The following KCTD15 variants were observed in gnomAD, a reference collection of about 807,000 sequenced individuals.
KCTD15 encodes BTB/POZ domain-containing protein KCTD15.
Under a neutral mutation model 27.2 loss-of-function variants are expected in KCTD15, and 11 were observed. The observed-to-expected ratio is 0.41, with a 90% CI of 0.25 to 0.67. The LOEUF is 0.67. Among genes scored for constraint, KCTD15 ranks in the 30% least tolerant of loss-of-function variants. KCTD15 has a pLI of 0.35. For synonymous variants in KCTD15, 163 were observed against 176.0 expected (o/e 0.93, Z 0.58); for missense variants, 350 against 409.3 (o/e 0.86, Z 1.25).
chr19:33,811,404 C>T lies in KCTD15; in HGVS notation c.545C>T (p.Ala182Val). The change falls in exon 6 of 7, where the codon GCA becomes GTA. Residue 182 changes from alanine to valine, a missense_variant. Physicochemically the swap from Ala to Val is moderately conservative, Grantham distance 64. Coordinates refer to ENST00000683859, the MANE Select transcript of KCTD15 (RefSeq NM_001129994.2). ...ACGCCCGACTTGGGCGAGCGGATCG[C>T]ACTCAGCGGCGAGAAGGCCCTCATC... ...RVTPDLGERIALSGEKALIEE... is the reference protein window; with the variant it reads ...RVTPDLGERIVLSGEKALIEE... 6.2e-7 allele frequency: 1 copy of T among 1,609,110 alleles called. No homozygotes were observed. The highest frequency in any genetic ancestry group is 2.2e-5 in the East Asian group (1 of 44,530).
Position 33,806,382 on chromosome 19 carries a change from G to A in KCTD15, c.243-481G>A, listed in dbSNP as rs747637778. Among the ~76,000 whole-genome samples the A allele has an allele frequency of 4.6e-4, 70 of 152,184 alleles. 1 individual carries two copies. The highest frequency in any genetic ancestry group is 2.1e-4 in the Non-Finnish European group (14 of 68,040). ...GCACAGGCCTGTGTGTCTCACACTC[G>A]TTTACATGGGTTGGGTGGGGAGGAT... On this transcript the variant is annotated intron_variant, in intron 4 of 6. Coordinates refer to ENST00000683859, the MANE Select transcript of KCTD15 (RefSeq NM_001129994.2).
chr19:33,795,142 TACA>T (rs1282487900), upstream of KCTD15, among the ~76,000 whole-genome samples: 11 of 152,262 alleles, frequency 7.2e-5, no homozygotes. Context: ...TCTATAAATT[TACA>T]ACATCTTCTG....
At chr19:33,795,287 T>C (rs2145414292), upstream of KCTD15, among the ~76,000 whole-genome samples, 1 of 152,312 alleles carries the variant, frequency 6.6e-6, no homozygotes, top group East Asian at 1.9e-4. Context: ...TTTCGGCTGA[T>C]TCCCGCGTAA....
chr19:33,812,211 C>A, intron 6 of KCTD15: 1 of 1,081,652 alleles, frequency 9.2e-7, no homozygotes, highest in Non-Finnish European at 1.1e-6. Context: ...CATCAGACCT[C>A]ACCCTCACAG....
intron 5 of KCTD15, among the ~76,000 whole-genome samples, chr19:33,810,716 G>C (rs151006251): frequency 6.6e-6 from 1 of 151,968 alleles, no homozygotes; most frequent in African/African-American, 2.4e-5. Flanking sequence ...AAACCAAGAG[G>C]CTCAGTTAGT....
At chr19:33,811,876 C>T in intron 6 of KCTD15, 1 of 1,595,756 alleles carries the variant, frequency 6.3e-7, no homozygotes, top group Non-Finnish European at 8.5e-7. Context: ...TCGAACTAAA[C>T]CCAGGCAACA....
intron 5 of KCTD15, among the ~76,000 whole-genome samples, chr19:33,809,131 G>A (rs1336672195): frequency 2.0e-5 from 3 of 152,012 alleles, no homozygotes; most frequent in Non-Finnish European, 1.5e-5. Context: ...ACAAAAATGA[G>A]CCGGGCGTGG....
In KCTD15 at chr19:33,811,482, G is replaced by T; in HGVS notation, c.623G>T (p.Gly208Val). The T allele has an allele frequency of 1.9e-6, 3 of 1,612,872 alleles. No individual in the cohort carries two copies. The African/African-American group carries it at 4.0e-5, about 21-fold the overall frequency. ...GTCATGTGCAACTCCGTCAACGCCG[G>T]CTGGAACCAGGACCCCACGCACGTC... ...GDVMCNSVNA[G>V]WNQDPTHVIR... Residue 208 changes from glycine (G) to valine (V), a missense_variant, in exon 6 of 7, where the codon GGC becomes GTC. Transcript: ENST00000683859.
intron 6 of KCTD15, chr19:33,812,136 T>C: frequency 8.0e-7 from 1 of 1,248,286 alleles, no homozygotes; most frequent in Non-Finnish European, 1.0e-6. Flanking sequence ...GGGCCCCCTG[T>C]GCACGCATTC....
At chr19:33,812,121 G>A in intron 6 of KCTD15, 2 of 1,283,224 alleles carry the variant, frequency 1.6e-6, no homozygotes, top group Non-Finnish European at 2.0e-6. Flanking sequence ...GCTTTGCAGG[G>A]AAGAGGGCCC....
Position 33,801,346 on chromosome 19 carries a change from A to G in KCTD15, c.242+4A>G, listed in dbSNP as rs1226189423. On this transcript the variant is annotated splice_donor_region_variant and intron_variant, in intron 4 of 6. Transcript: ENST00000683859. ...TCACCAAGTACCCTGACTCCAGGTA[A>G]GAGTAAGCCCCTTGAAACATCAGGC... 1.2e-6 allele frequency: 2 copies of G among 1,604,278 alleles called. No homozygotes were observed. The highest frequency in any genetic ancestry group is 1.7e-6 in the Non-Finnish European group (2 of 1,174,666).
upstream of KCTD15, among the ~76,000 whole-genome samples, chr19:33,795,649 G>A (rs1373450507): frequency 6.6e-6 from 1 of 152,096 alleles, no homozygotes; most frequent in East Asian, 1.9e-4. Context: ...CCGAGGAGGA[G>A]GAGGAGGCAC....
intron 5 of KCTD15, among the ~76,000 whole-genome samples, chr19:33,807,669 G>A (rs1975756242): frequency 1.3e-5 from 2 of 152,164 alleles, no homozygotes; most frequent in Non-Finnish European, 2.9e-5. Flanking sequence ...ACAGTGGGCC[G>A]AGATTGCGCC....
intron 5 of KCTD15, among the ~76,000 whole-genome samples, chr19:33,808,946 A>G (rs29947): frequency 0.71 from 107,930 of 151,662 alleles, 39,372 homozygotes; most frequent in Middle Eastern, 0.83. Flanking sequence ...ACCAGCCTGG[A>G]CAACATAGCA....
intron 6 of KCTD15, chr19:33,812,177 C>A: frequency 8.7e-7 from 1 of 1,150,860 alleles, no homozygotes; most frequent in East Asian, 4.9e-5. Context: ...TTGCTAGTTG[C>A]AGGAGACGGG....
chr19:33,794,571 G>C (rs1279258929), upstream of KCTD15, among the ~76,000 whole-genome samples: 1 of 152,322 alleles, frequency 6.6e-6, no homozygotes, highest in East Asian at 1.9e-4. Flanking sequence ...TTTTCAGTGA[G>C]TCCCTCATCC....
intron 1 of KCTD15, among the ~76,000 whole-genome samples, chr19:33,797,247 GGTGT>G (rs751185346): frequency 0.065 from 7,824 of 120,602 alleles, 353 homozygotes; most frequent in East Asian, 0.23. Context: ...CCTGCCGCGC[GGTGT>G]GTGTGTGTGT....
chr19:33,803,657 T>C (rs1381596767), intron 4 of KCTD15, among the ~76,000 whole-genome samples: 2 of 151,922 alleles, frequency 1.3e-5, no homozygotes, highest in Non-Finnish European at 2.9e-5. Context: ...CAGCCGGGGC[T>C]GGGAGTGGAT....
intron 4 of KCTD15, 92 bp from the exon 5 acceptor site, chr19:33,806,771 G>A (rs1026384623): frequency 3.0e-5 from 43 of 1,446,832 alleles, no homozygotes; most frequent in Admixed American, 9.2e-5. Context: ...CCCTCCAGCC[G>A]TGTGGGCCCT....
Sources: allele counts gnomAD v4.1 joint callset (sites outside exome capture counted in the v4.1 genomes callset), GRCh38; gene constraint gnomAD v4.1.1; transcripts MANE v1.5; gene names NCBI Gene and HGNC (gene_info 2026-07-23, HGNC 2026-07-21).